The following SBK2 variants were observed in gnomAD, a reference collection of about 807,000 sequenced individuals.
SBK2 encodes the protein serine/threonine-protein kinase SBK2.
A neutral mutation model predicts 15.9 loss-of-function variants in SBK2; 18 were observed. That is an observed-to-expected ratio of 1.13 (90% CI 0.78 to 1.68). The LOEUF (loss-of-function observed/expected upper bound fraction) is 1.68. Among genes scored for constraint, SBK2 ranks in the 40% most tolerant of loss-of-function variants. SBK2 has a pLI of 0.00. For missense variants in SBK2, 581 were observed against 510.9 expected (o/e 1.14, Z -1.32); for synonymous variants, 284 against 246.8 (o/e 1.15, Z -1.41).
Position 55,531,296 on chromosome 19 carries a change from A to C in SBK2, c.303T>G (p.Arg101=). 1 of 1,613,356 alleles carries C rather than the reference A, an allele frequency of 6.2e-7. No homozygotes were observed. The highest frequency in any genetic ancestry group is 8.5e-7 in the Non-Finnish European group (1 of 1,179,760). Reference sequence around the variant, plus strand: ...CCACACAGAACTCGTACAGGAAGCCACGGAGGGACGTGCGGGGTTTCGGGA... The same window carrying C: ...CCACACAGAACTCGTACAGGAAGCCCCGGAGGGACGTGCGGGGTTTCGGGA... ...KQLPKPRTSL[R]GFLYEFCVGL... Residue 101 remains arginine (R), a synonymous_variant, in exon 3 of 4, where the codon CGT becomes CGG. Coordinates refer to ENST00000413299, the MANE Select transcript of SBK2 (RefSeq NM_001370096.2).
chr19:55,536,675 G>A (rs991157121), intron 1 of SBK2, among the ~76,000 whole-genome samples: 1 of 152,042 alleles, frequency 6.6e-6, no homozygotes, highest in Admixed American at 6.5e-5. Context: ...GGGCTGTGCA[G>A]AGGGCCTGGG....
chr19:55,532,153 G>C (rs1448837047), intron 2 of SBK2, among the ~76,000 whole-genome samples: 1 of 152,054 alleles, frequency 6.6e-6, no homozygotes, highest in Non-Finnish European at 1.5e-5. Context: ...ACTCGTGTTT[G>C]AGGCAAAAAG....
chr19:55,531,263 C>T lies in SBK2; in HGVS notation c.336G>A (p.Ser112=), dbSNP rs113978034. 10 of 1,613,488 alleles carry T rather than the reference C, an allele frequency of 6.2e-6. No individual in the cohort carries two copies. Among genetic ancestry groups the T allele is most frequent in the East Asian group, 2.2e-5 (1 of 44,878 alleles). Residue 112 remains serine (S), a synonymous_variant, in exon 3 of 4, where the codon TCG becomes TCA. Coordinates refer to ENST00000413299, the MANE Select transcript of SBK2 (RefSeq NM_001370096.2). Reference sequence around the variant, plus strand: ...TCACGATGGCTGAGTGCGCGCCCAGCGAGAGCCCCACACAGAACTCGTACA... The same window carrying T: ...TCACGATGGCTGAGTGCGCGCCCAGTGAGAGCCCCACACAGAACTCGTACA... The part of the protein sequence containing the change: ...GFLYEFCVGL[S]LGAHSAIVTA...
chr19:55,531,500 G>A (rs1988266181), intron 2 of SBK2, among the ~76,000 whole-genome samples, 155 bp from the exon 3 acceptor site: 1 of 152,152 alleles, frequency 6.6e-6, no homozygotes, highest in African/African-American at 2.4e-5. Flanking sequence ...TCCCTCCTGA[G>A]CCCATCCTAA....
At position 55,528,661 on chromosome 19, in the gene SBK2, C is replaced by T. The variant is rs1372150631; in HGVS notation, c.*1072G>A. Among the ~76,000 whole-genome samples, 2 of 152,122 alleles carry T rather than the reference C, an allele frequency of 1.3e-5. No homozygotes were observed. Among genetic ancestry groups the T allele is most frequent in the Non-Finnish European group, 2.9e-5 (2 of 68,038 alleles). ...GCAGAGTGGCTGGGGCGAGAGAAGG[C>T]AAAACACATCACAGAGAGGGTGGTG... On this transcript the variant is annotated 3_prime_UTR_variant, in exon 4 of 4. Coordinates refer to ENST00000413299, the MANE Select transcript of SBK2 (RefSeq NM_001370096.2).
chr19:55,536,426 C>G, intron 1 of SBK2, 130 bp from the exon 2 acceptor site: 1 of 686,632 alleles, frequency 1.5e-6, no homozygotes, highest in South Asian at 3.5e-5. Context: ...GTGACTCAGT[C>G]TCCCTCTTGG....
In SBK2 at chr19:55,529,283, C is replaced by G. The variant is rs1033767485; in HGVS notation, c.*450G>C. 3.9e-5 allele frequency among the ~76,000 whole-genome samples: 6 copies of G among 152,168 alleles called. No homozygotes were observed. Among genetic ancestry groups the G allele is most frequent in the African/African-American group, 7.2e-5 (3 of 41,444 alleles). ...TGGTGGCGCATGCCTGTAGTCCCAG[C>G]TACTCAGGAGGCTGAGGCAGGAAGA... On this transcript the variant is annotated 3_prime_UTR_variant, in exon 4 of 4. Transcript: ENST00000413299.
rs1411989172 is a variant in SBK2, at chr19:55,529,123, G to T, written c.*610C>A. On this transcript the variant is annotated 3_prime_UTR_variant, in exon 4 of 4. Transcript: ENST00000413299. The stretch of plus-strand genomic sequence containing the variant: ...AAAAAGTTAAAAATTAGCCTAGCGT[G>T]GTGGCGCATGCCTGTAGTCCCAGCT... 6.6e-6 allele frequency among the ~76,000 whole-genome samples: 1 copy of T among 152,190 alleles called. No homozygotes were observed. The highest frequency in any genetic ancestry group is 1.5e-5 in the Non-Finnish European group (1 of 68,048).
At chr19:55,533,814 G>A (rs918194607) in intron 2 of SBK2, among the ~76,000 whole-genome samples, 2 of 151,720 alleles carry the variant, frequency 1.3e-5, no homozygotes, top group Admixed American at 6.6e-5. Flanking sequence ...CCACGGCCAC[G>A]CCACCCGGTG....
At chr19:55,531,459 T>C (rs1219135833) in intron 2 of SBK2, 114 bp from the exon 3 acceptor site, 3 of 785,778 alleles carry the variant, frequency 3.8e-6, no homozygotes, top group Non-Finnish European at 6.3e-6. Context: ...CTCTTTCCCA[T>C]AGACCATCTC....
intron 2 of SBK2, 48 bp downstream of exon 2, chr19:55,535,994 C>T (rs1034831449): frequency 1.9e-5 from 27 of 1,418,598 alleles, no homozygotes; most frequent in Non-Finnish European, 2.2e-5. Context: ...CAGGCCCGTG[C>T]CCCGCCCCCA....
chr19:55,529,845 G>A lies in SBK2; in HGVS notation c.935C>T (p.Pro312Leu). ...ALLRGLLDPH[P>L]RRRSAVIAIR... ...GGCGATCACAGCGCTCCTCCTTCGG[G>A]GGTGAGGGTCCAGCAGCCCCCGCAG... Residue 312 changes from proline to leucine, a missense_variant, in exon 4 of 4, where the codon CCC (proline) becomes CTC (leucine). Physicochemically the swap from Pro to Leu is moderately conservative, Grantham distance 98. Coordinates refer to ENST00000413299, the MANE Select transcript of SBK2 (RefSeq NM_001370096.2). 1 of 1,603,626 alleles carries A rather than the reference G, an allele frequency of 6.2e-7. No homozygotes were observed. Among genetic ancestry groups the A allele is most frequent in the South Asian group, 1.1e-5 (1 of 90,992 alleles).
chr19:55,530,179 G>A lies in SBK2; in HGVS notation c.601C>T (p.Leu201=). 1 of 1,531,208 alleles carries A rather than the reference G, an allele frequency of 6.5e-7. No individual in the cohort carries two copies. The highest frequency in any genetic ancestry group is 1.2e-5 in the South Asian group (1 of 82,184). 94.9% of individuals were successfully genotyped at this position (1,531,208 alleles called of 1,614,324 possible). Reference sequence around the variant, plus strand: ...GGCCTCGTGTGGCCGAAGTCGGTCAGCTTGAAGCGCCGGCAGGCCGGGTCG... The same window carrying A: ...GGCCTCGTGTGGCCGAAGTCGGTCAACTTGAAGCGCCGGCAGGCCGGGTCG... The part of the protein sequence containing the change: ...VCDPACRRFK[L]TDFGHTRPRG... The change falls in exon 4 of 4, where the codon CTG becomes TTG. Residue 201 remains leucine, a synonymous_variant. Coordinates refer to ENST00000413299, the MANE Select transcript of SBK2 (RefSeq NM_001370096.2).
intron 2 of SBK2, among the ~76,000 whole-genome samples, chr19:55,533,659 CAAAAAAAAAAAAAAAAAAAAAAAA>C (rs71181785): frequency 0.67 from 22,521 of 33,554 alleles, 7,430 homozygotes; most frequent in Middle Eastern, 0.74. Flanking sequence ...GACTCCGTCT[CAAAAAAAAAAAAAAAAAAAAAAAA>C]AAAAAAAAAA....
rs557968882 is a variant in SBK2 at position 55,530,976 on chromosome 19, C to T, written c.456+167G>A. 2.0e-4 allele frequency among the ~76,000 whole-genome samples: 30 copies of T among 152,252 alleles called. 1 individual carries two copies. In the South Asian group the frequency reaches 6.2e-3, roughly 32 times the overall value. On this transcript the variant is annotated intron_variant, in intron 3 of 3. Coordinates refer to ENST00000413299, the MANE Select transcript of SBK2 (RefSeq NM_001370096.2). ...GTGATGTCTATGAACTCCAAAGAGGCCTAACAACTCCACGAGTCCTGTGGG... is the reference window on the plus strand; with the variant it reads ...GTGATGTCTATGAACTCCAAAGAGGTCTAACAACTCCACGAGTCCTGTGGG...
chr19:55,532,113 A>G (rs143593240), intron 2 of SBK2, among the ~76,000 whole-genome samples: 71 of 152,272 alleles, frequency 4.7e-4, no homozygotes, highest in African/African-American at 1.5e-3. Context: ...AATTTCTCCA[A>G]TGACCTCGTT....
intron 2 of SBK2, among the ~76,000 whole-genome samples, chr19:55,535,835 T>C (rs57198421): frequency 0.27 from 41,441 of 152,146 alleles, 5,749 homozygotes; most frequent in African/African-American, 0.32. Context: ...AGTGAGATTG[T>C]GCCACTGCAC....
In SBK2 at chr19:55,536,029, C is replaced by T; in HGVS notation, c.253+13G>A. 1.4e-6 allele frequency: 2 copies of T among 1,439,986 alleles called. No individual in the cohort carries two copies. Among genetic ancestry groups the T allele is most frequent in the Non-Finnish European group, 1.8e-6 (2 of 1,090,134 alleles). The allele number at this position is 1,439,986 out of a possible 1,614,324, so 89.2% of individuals were successfully genotyped here. ...AGCTGAACCCTGCCACCTCTGGCCCCACAGCCTCGTACCTTTCTGACGATG... is the reference window on the plus strand; with the variant it reads ...AGCTGAACCCTGCCACCTCTGGCCCTACAGCCTCGTACCTTTCTGACGATG... On this transcript the variant is annotated intron_variant, in intron 2 of 3. Coordinates refer to ENST00000413299, the MANE Select transcript of SBK2 (RefSeq NM_001370096.2).
At chr19:55,535,924 T>G in intron 2 of SBK2, 118 bp downstream of exon 2, 2 of 1,009,178 alleles carry the variant, frequency 2.0e-6, no homozygotes, top group Non-Finnish European at 2.7e-6. Context: ...AACACACAGC[T>G]TTGGAGGGCA....
Sources: gnomAD v4.1 joint callset for allele counts (sites outside exome capture counted in the v4.1 genomes callset) on GRCh38, gnomAD v4.1.1 for gene constraint, MANE v1.5 for transcripts, NCBI Gene and HGNC (gene_info 2026-07-23, HGNC 2026-07-21) for gene names.